Variants in FAM120AOS observed in about 807,000 individuals in gnomAD.
The protein encoded by FAM120AOS is family with sequence similarity 120 member A opposite strand.
FAM120AOS carries 15 observed loss-of-function variants against 20.2 expected under a neutral mutation model. The ratio of observed to expected loss-of-function variants is 0.74; its 90% confidence interval spans 0.50 to 1.15. The LOEUF is 1.15. FAM120AOS is among the 50% of genes most tolerant of loss of function. The probability of loss-of-function intolerance (pLI) is 0.00; values close to 1 mark genes in which losing one functional copy is unlikely to be tolerated. For missense variants in FAM120AOS, 327 were observed against 351.9 expected, an observed-to-expected ratio of 0.93 and a Z score of 0.57; for synonymous variants, 154 against 154.0, an observed-to-expected ratio of 1.00 and a Z score of 0.00.
chr9:93,449,374 A>T (rs1856988449), intron 2 of FAM120AOS, among the ~76,000 whole-genome samples: 1 of 152,174 alleles, frequency 6.6e-6, no homozygotes, highest in African/African-American at 2.4e-5. Context: ...ATATTTTTGC[A>T]AGGGCACAGA....
At chr9:93,451,850 A>C (rs1588755787) in intron 1 of FAM120AOS, 4 of 824,108 alleles carry the variant, frequency 4.9e-6, no homozygotes, top group South Asian at 5.7e-5. Context: ...CCCGCGCGCC[A>C]CGGCCCCACC....
At chr9:93,447,786 T>A in intron 2 of FAM120AOS, 89 bp from the exon 3 acceptor site, 1 of 1,109,692 alleles carries the variant, frequency 9.0e-7, no homozygotes, top group South Asian at 1.3e-5. Flanking sequence ...AATATTGATC[T>A]CTGTGGAGCT....
rs1354410597 is a variant in FAM120AOS, at chr9:93,446,710, TAG to T, written c.*899_*900del. The stretch of plus-strand genomic sequence containing the variant: ...GCTTGAGAAGCCTCTTGGAGTTGCC[TAG>T]AGAGTCTATAGCACTCATCTGAAGG... On this transcript the variant is annotated 3_prime_UTR_variant, in exon 3 of 3. Transcript: ENST00000375412. The T allele has an allele frequency of 2.6e-5, 4 of 152,154 alleles. No individual in the cohort carries two copies. The highest frequency in any genetic ancestry group is 1.3e-4 in the Admixed American group (2 of 15,266). 9.4% of individuals were successfully genotyped at this position (152,154 alleles called of 1,614,324 possible).
rs1329405717 is a variant in FAM120AOS, at chr9:93,451,621, G to A, written c.563+526C>T. 6 of 981,704 alleles carry A rather than the reference G, an allele frequency of 6.1e-6. No homozygotes were observed. In the South Asian group the frequency reaches 1.8e-4, roughly 30 times the overall value. The allele number at this position is 981,704 out of a possible 1,614,324, so 60.8% of individuals were successfully genotyped here. A position where few individuals can be genotyped will look rare whatever the true frequency, so the allele number is the denominator to read the frequency against. ...GGCGGGCCTGGGCGGCGTCCGCGCCGGGCGGGTCCGCTACGTCAGCGCCGC... is the reference window on the plus strand; with the variant it reads ...GGCGGGCCTGGGCGGCGTCCGCGCCAGGCGGGTCCGCTACGTCAGCGCCGC... On this transcript the variant is annotated intron_variant, in intron 1 of 2. Coordinates refer to ENST00000375412, the MANE Select transcript of FAM120AOS (RefSeq NM_198841.4).
At position 93,444,288 on chromosome 9, in the gene FAM120AOS, T is replaced by C. The variant is rs1374005233; in HGVS notation, c.*3323A>G. 2.0e-5 allele frequency among the ~76,000 whole-genome samples: 3 copies of C among 151,966 alleles called. No individual in the cohort carries two copies. Among genetic ancestry groups the C allele is most frequent in the Non-Finnish European group, 4.4e-5 (3 of 67,910 alleles). Reference sequence around the variant, plus strand: ...CTCCTGACTTCAGGTGATCCACCCGTCTTGGCCTCCCAAAGTGCTGGGATG... The same window carrying C: ...CTCCTGACTTCAGGTGATCCACCCGCCTTGGCCTCCCAAAGTGCTGGGATG... On this transcript the variant is annotated 3_prime_UTR_variant, in exon 3 of 3. Transcript: ENST00000375412.
intron 2 of FAM120AOS, among the ~76,000 whole-genome samples, chr9:93,449,916 G>A (rs1857029947): frequency 6.6e-6 from 1 of 152,168 alleles, no homozygotes; most frequent in South Asian, 2.1e-4. Context: ...CCTGCCTTGG[G>A]TTATAAAAGC....
In FAM120AOS at chr9:93,452,452, C is replaced by G; in HGVS notation, c.258G>C (p.Leu86=). Residue 86 remains leucine (L), a synonymous_variant, in exon 1 of 3, where the codon CTG becomes CTC. Transcript: ENST00000375412. This position sits in a 1 kb window ranked among gnomAD's most constrained non-coding sequence, Gnocchi z 7.0. ...RRHGRATFCA[L]GRGIGVRRGP... ...CGCGCCGCACCCCTATCCCCCTTCC[C>G]AGGGCGCAGAATGTCGCCCGGCCGT... 5 of 1,555,070 alleles carry G rather than the reference C, an allele frequency of 3.2e-6. No homozygotes were observed. Among genetic ancestry groups the G allele is most frequent in the Non-Finnish European group, 3.5e-6 (4 of 1,152,878 alleles).
At position 93,443,713 on chromosome 9, in the gene FAM120AOS, A is replaced by G. The variant is rs1856765148; in HGVS notation, c.*3898T>C. Among the ~76,000 whole-genome samples the G allele has an allele frequency of 6.6e-6, 1 of 152,158 alleles. No individual in the cohort carries two copies. Among genetic ancestry groups the G allele is most frequent in the African/African-American group, 2.4e-5 (1 of 41,430 alleles). On this transcript the variant is annotated 3_prime_UTR_variant, in exon 3 of 3. Transcript: ENST00000375412. ...CCTGGGCTCTGTCTCTTGTATGTGC[A>G]GCTCTGGGCTGAGCACGGAATTCAG...
intron 2 of FAM120AOS, among the ~76,000 whole-genome samples, 192 bp downstream of exon 2, chr9:93,450,287 C>A (rs982481859): frequency 6.6e-6 from 1 of 152,210 alleles, no homozygotes; most frequent in Non-Finnish European, 1.5e-5. Context: ...CCGCACCTGG[C>A]CTGTATTATT....
intron 1 of FAM120AOS, chr9:93,451,366 G>T: frequency 3.5e-6 from 5 of 1,417,026 alleles, no homozygotes; most frequent in Non-Finnish European, 4.6e-6. Context: ...AGAACCACCG[G>T]GCGGAGGCGG....
At position 93,443,928 on chromosome 9, in the gene FAM120AOS, A is replaced by G. The variant is rs1856770694; in HGVS notation, c.*3683T>C. Among the ~76,000 whole-genome samples, 1 of 152,236 alleles carries G rather than the reference A, an allele frequency of 6.6e-6. No homozygotes were observed. The highest frequency in any genetic ancestry group is 2.4e-5 in the African/African-American group (1 of 41,470). ...AAGGAACGCCCCTCAGGCAGAAAGC[A>G]GAGAGAGAAAAAAAGATGGATTATT... On this transcript the variant is annotated 3_prime_UTR_variant, in exon 3 of 3. Transcript: ENST00000375412.
In FAM120AOS at chr9:93,452,557, C is replaced by A. The variant is rs1264136378; in HGVS notation, c.153G>T (p.Pro51=). 1.9e-6 allele frequency: 3 copies of A among 1,584,992 alleles called. No individual in the cohort carries two copies. The highest frequency in any genetic ancestry group is 2.6e-6 in the Non-Finnish European group (3 of 1,172,372). The change falls in exon 1 of 3, where the codon CCG becomes CCT. Residue 51 remains proline (P), a synonymous_variant. Coordinates refer to ENST00000375412, the MANE Select transcript of FAM120AOS (RefSeq NM_198841.4). This position sits in a 1 kb window ranked among gnomAD's most constrained non-coding sequence, Gnocchi z 7.0. ...GGCCGGGCTGCAAGATGGATGGCCG[C>A]GGGTGCAGGCCGCGCGCTGCCCAAG... ...RRAWAARGLH[P]RPSILQPGPA...
intron 1 of FAM120AOS, chr9:93,451,868 G>A (rs1476892192): frequency 3.2e-5 from 35 of 1,077,766 alleles, no homozygotes; most frequent in Non-Finnish European, 3.8e-5. Context: ...ACCACCCCCG[G>A]CCCCGCCGCC....
intron 1 of FAM120AOS, chr9:93,451,851 C>T: frequency 1.0e-6 from 1 of 975,088 alleles, no homozygotes; most frequent in Non-Finnish European, 1.2e-6. Context: ...CCGCGCGCCA[C>T]GGCCCCACCA....
At chr9:93,449,066 T>G (rs1856975025) in intron 2 of FAM120AOS, among the ~76,000 whole-genome samples, 1 of 152,032 alleles carries the variant, frequency 6.6e-6, no homozygotes, top group Non-Finnish European at 1.5e-5. Flanking sequence ...AAAGTTTTTT[T>G]TTTTTTTTTT....
intron 2 of FAM120AOS, among the ~76,000 whole-genome samples, chr9:93,448,903 G>A (rs1350054744): frequency 5.3e-5 from 8 of 152,072 alleles, no homozygotes; most frequent in African/African-American, 7.2e-5. Context: ...GATTACAGGC[G>A]TGAGCCACTG....
At chr9:93,451,129 C>G in intron 1 of FAM120AOS, 1 of 1,550,616 alleles carries the variant, frequency 6.4e-7, no homozygotes, top group Non-Finnish European at 8.7e-7. Context: ...CTGCTCTTTC[C>G]AAGAAGCCAG....
chr9:93,449,871 G>A (rs1005821053), intron 2 of FAM120AOS, among the ~76,000 whole-genome samples: 1 of 152,156 alleles, frequency 6.6e-6, no homozygotes, highest in Non-Finnish European at 1.5e-5. Context: ...ATGAAAATAC[G>A]AGTGATTAAA....
In FAM120AOS at chr9:93,453,581, T is replaced by C. The variant is rs928635922; in HGVS notation, c.-872A>G. On this transcript the variant is annotated 5_prime_UTR_variant, in exon 1 of 3. Coordinates refer to ENST00000375412, the MANE Select transcript of FAM120AOS (RefSeq NM_198841.4). Reference sequence around the variant, plus strand: ...GCGAGGAGATGGTGGTAGTTAAGCCTAAAATGATAGCGGAAGTCCCACCCA... The same window carrying C: ...GCGAGGAGATGGTGGTAGTTAAGCCCAAAATGATAGCGGAAGTCCCACCCA... 3.0e-6 allele frequency: 3 copies of C among 985,300 alleles called. No homozygotes were observed. The highest frequency in any genetic ancestry group is 1.7e-5 in the African/African-American group (1 of 57,228). 61.0% of individuals were successfully genotyped at this position (985,300 alleles called of 1,614,324 possible).
Sources: allele counts gnomAD v4.1 joint callset (sites outside exome capture counted in the v4.1 genomes callset), GRCh38; gene constraint gnomAD v4.1.1; non-coding constraint Gnocchi (gnomAD v3.1); transcripts MANE v1.5; gene names NCBI Gene and HGNC (gene_info 2026-07-23, HGNC 2026-07-21).